Variants in JDP2 observed in about 807,000 individuals in gnomAD.
The protein encoded by JDP2 is progesterone receptor co-activator.
JDP2 carries 9 observed loss-of-function variants against 17.1 expected under a neutral mutation model. The ratio of observed to expected loss-of-function variants is 0.53; its 90% CI spans 0.32 to 0.92. The LOEUF (loss-of-function observed/expected upper bound fraction) is 0.92, where lower values mean the gene tolerates loss of function less well. Among genes scored for constraint, JDP2 ranks in the 40% least tolerant of loss-of-function variants. The pLI is 0.04. For missense variants in JDP2, 179 were observed against 220.0 expected (o/e 0.81, Z 1.18); for synonymous variants, 107 against 95.6 (o/e 1.12, Z -0.69).
At chr14:75,457,287 G>A (rs1343266772) in intron 2 of JDP2, among the ~76,000 whole-genome samples, 1 of 152,244 alleles carries the variant, frequency 6.6e-6, no homozygotes, top group Non-Finnish European at 1.5e-5. Flanking sequence ...AATTCAAGAA[G>A]CACCAGGAAG....
At chr14:75,445,652 A>G in intron 2 of JDP2, 7 of 904,292 alleles carry the variant, frequency 7.7e-6, no homozygotes, top group Non-Finnish European at 7.9e-6. Context: ...CTAGTACCAT[A>G]TACATATATT....
chr14:75,458,717 GT>G (rs1886221586), intron 2 of JDP2, among the ~76,000 whole-genome samples: 1 of 152,178 alleles, frequency 6.6e-6, no homozygotes, highest in South Asian at 2.1e-4. Flanking sequence ...TAGTATTTCT[GT>G]TTTTAGCTAA....
chr14:75,443,282 A>G (rs1227765978), intron 2 of JDP2, among the ~76,000 whole-genome samples: 1 of 152,194 alleles, frequency 6.6e-6, no homozygotes, highest in East Asian at 1.9e-4. Context: ...GTGCTGGGTA[A>G]ATGTTGGCCT....
intron 3 of JDP2, among the ~76,000 whole-genome samples, chr14:75,463,329 A>C (rs915429468): frequency 6.6e-6 from 1 of 152,214 alleles, no homozygotes; most frequent in African/African-American, 2.4e-5. Context: ...CAGAGAGGTC[A>C]AGTTACTTGG....
intron 3 of JDP2, among the ~76,000 whole-genome samples, chr14:75,467,910 G>A (rs992112962): frequency 2.6e-5 from 4 of 151,938 alleles, no homozygotes; most frequent in South Asian, 2.1e-4. Flanking sequence ...GTCTGGTCAC[G>A]AGGCCTGCCC....
upstream of JDP2, chr14:75,427,905 C>T (rs1326226762): frequency 1.3e-5 from 2 of 152,170 alleles, no homozygotes; most frequent in African/African-American, 4.8e-5. The surrounding 1 kb of genome is among the most constrained non-coding windows in gnomAD (Gnocchi z 4.4). Context: ...CCCCTCCTTC[C>T]CTTCCTCTCC....
At chr14:75,466,878 A>G (rs889524814) in intron 3 of JDP2, among the ~76,000 whole-genome samples, 2 of 152,028 alleles carry the variant, frequency 1.3e-5, no homozygotes, top group African/African-American at 4.8e-5. Flanking sequence ...CCAGCTAGTC[A>G]CCAAGATCAG....
At chr14:75,438,648 C>T (rs1594949813) in intron 2 of JDP2, among the ~76,000 whole-genome samples, 1 of 152,238 alleles carries the variant, frequency 6.6e-6, no homozygotes, top group African/African-American at 2.4e-5. Flanking sequence ...CCTTCCCAAG[C>T]AGCTGCCAGA....
At chr14:75,467,406 A>G (rs1886609212) in intron 3 of JDP2, among the ~76,000 whole-genome samples, 1 of 152,164 alleles carries the variant, frequency 6.6e-6, no homozygotes, top group African/African-American at 2.4e-5. Context: ...GCCTTGTTGC[A>G]CAGATTGCTT....
chr14:75,431,558 T>A (rs1884798251), intron 1 of JDP2, among the ~76,000 whole-genome samples: 1 of 152,246 alleles, frequency 6.6e-6, no homozygotes, highest in Admixed American at 6.5e-5. Flanking sequence ...TCTGTGCAGC[T>A]GTGTTCTGGC....
At chr14:75,449,123 T>C (rs1400350635) in intron 2 of JDP2, among the ~76,000 whole-genome samples, 1 of 152,226 alleles carries the variant, frequency 6.6e-6, no homozygotes, top group Admixed American at 6.5e-5. Flanking sequence ...TGCCTTGTGC[T>C]TGAAAGAAAT....
chr14:75,470,034 G>A lies in JDP2; in HGVS notation c.*559G>A, dbSNP rs1248929795. The A allele has an allele frequency of 6.5e-6, 1 of 152,810 alleles. No homozygotes were observed. Among genetic ancestry groups the A allele is most frequent in the Non-Finnish European group, 1.5e-5 (1 of 68,182 alleles). 9.5% of individuals were successfully genotyped at this position (152,810 alleles called of 1,614,324 possible). On this transcript the variant is annotated 3_prime_UTR_variant, in exon 4 of 4. Transcript: ENST00000651602. ...GGCCCTGCCCAGGAGGCGGCAGCCG[G>A]GCGCACCCTCGCCAGCCCTGCTGGA...
At chr14:75,445,558 G>C in intron 2 of JDP2, 1 of 985,392 alleles carries the variant, frequency 1.0e-6, no homozygotes, top group Non-Finnish European at 1.2e-6. Context: ...CATTGGAATA[G>C]TTTGGCTCTG....
upstream of JDP2, chr14:75,428,018 T>A (rs982601037): frequency 6.7e-6 from 1 of 148,632 alleles, no homozygotes; most frequent in South Asian, 2.1e-4. The surrounding 1 kb of genome is among the most constrained non-coding windows in gnomAD (Gnocchi z 5.6). Flanking sequence ...ATGCAACCCG[T>A]CCCGCCGCCC....
chr14:75,436,835 G>A (rs1180025307), intron 1 of JDP2, among the ~76,000 whole-genome samples: 1 of 152,230 alleles, frequency 6.6e-6, no homozygotes. Context: ...GTCTGAATCT[G>A]TCTTCCCTTG....
chr14:75,462,674 A>T (rs1295845388), intron 3 of JDP2, among the ~76,000 whole-genome samples: 2 of 152,212 alleles, frequency 1.3e-5, no homozygotes, highest in African/African-American at 4.8e-5. Context: ...GCACACAGGA[A>T]GCAGCAGACA....
At chr14:75,451,218 T>C (rs1382973271) in intron 2 of JDP2, among the ~76,000 whole-genome samples, 2 of 150,482 alleles carry the variant, frequency 1.3e-5, no homozygotes, top group Non-Finnish European at 2.9e-5. Flanking sequence ...ATCCTTCCGA[T>C]GGCTGGGATG....
chr14:75,444,914 TGA>T (rs1885525145), intron 2 of JDP2, among the ~76,000 whole-genome samples: 1 of 152,208 alleles, frequency 6.6e-6, no homozygotes, highest in Non-Finnish European at 1.5e-5. Context: ...AAACTATAAA[TGA>T]GAAGGCTTTT....
At chr14:75,456,883 G>C (rs1886133572) in intron 2 of JDP2, among the ~76,000 whole-genome samples, 1 of 152,200 alleles carries the variant, frequency 6.6e-6, no homozygotes, top group Admixed American at 6.5e-5. Context: ...GTCTGGGTGA[G>C]GCGGGGCTGC....
Sources: allele counts gnomAD v4.1 joint callset (sites outside exome capture counted in the v4.1 genomes callset), GRCh38; gene constraint gnomAD v4.1.1; non-coding constraint Gnocchi (gnomAD v3.1); transcripts MANE v1.5; gene names NCBI Gene and HGNC (gene_info 2026-07-23, HGNC 2026-07-21).